The following KALRN variants were observed in gnomAD, a reference collection of about 807,000 sequenced individuals.
KALRN encodes kalirin.
In KALRN, 70 loss-of-function variants were observed where a neutral mutation model predicts 353.7. The observed-to-expected ratio is 0.20, with a 90% confidence interval of 0.16 to 0.24. The LOEUF (loss-of-function observed/expected upper bound fraction) is 0.24. Among genes scored for constraint, KALRN ranks in the 10% least tolerant of loss-of-function variants. The probability of loss-of-function intolerance (pLI) is 1.00; values close to 1 mark genes in which losing one functional copy is unlikely to be tolerated. For missense variants in KALRN, 2,791 were observed against 3,756.7 expected (o/e 0.74, Z 6.72); for synonymous variants, 1,391 against 1,434.8 (o/e 0.97, Z 0.69).
chr3:124,679,736 C>T (rs2087575897), intron 51 of KALRN: 2 of 619,472 alleles, frequency 3.2e-6, no homozygotes, highest in Non-Finnish European at 5.9e-6. Flanking sequence ...AAAACAAAAA[C>T]TTGTTATCTT....
At chr3:124,497,223 A>G (rs1275932546) in intron 33 of KALRN, among the ~76,000 whole-genome samples, 3 of 152,226 alleles carry the variant, frequency 2.0e-5, no homozygotes, top group Non-Finnish European at 2.9e-5. Flanking sequence ...TGCTTACTCT[A>G]GAATCCAAAG....
At chr3:124,258,824 A>C (rs543767228) in intron 3 of KALRN, among the ~76,000 whole-genome samples, 44 of 152,354 alleles carry the variant, frequency 2.9e-4, no homozygotes, top group African/African-American at 1.0e-3. Flanking sequence ...TGGCAGATTC[A>C]ACCAACCAAA....
intron 33 of KALRN, among the ~76,000 whole-genome samples, chr3:124,502,663 C>G (rs1003109886): frequency 2.0e-5 from 3 of 152,120 alleles, no homozygotes; most frequent in Non-Finnish European, 4.4e-5. Flanking sequence ...GAAGGACTAG[C>G]TGAGATTCTA....
chr3:124,111,308 G>A (rs867471163), intron 1 of KALRN, among the ~76,000 whole-genome samples: 6 of 152,134 alleles, frequency 3.9e-5, no homozygotes, highest in African/African-American at 1.2e-4. Flanking sequence ...ATATTTTAAA[G>A]CAAGAAAACC....
chr3:124,392,466 A>C (rs2089540720), intron 11 of KALRN, among the ~76,000 whole-genome samples: 1 of 152,074 alleles, frequency 6.6e-6, no homozygotes, highest in Admixed American at 6.5e-5. Context: ...AAAGAAAGCC[A>C]AGGTGCAGAG....
intron 34 of KALRN, among the ~76,000 whole-genome samples, chr3:124,564,570 A>G (rs1316127271): frequency 6.6e-6 from 1 of 151,976 alleles, no homozygotes; most frequent in Admixed American, 6.6e-5. Context: ...CCAGCTACTC[A>G]GTGGGGGGCT....
chr3:124,434,332 A>T lies in KALRN; in HGVS notation c.2855A>T (p.Gln952Leu), dbSNP rs879442495. The change falls in exon 17 of 60, where the codon CAG becomes CTG. Residue 952 changes from glutamine (Q) to leucine (L), a missense_variant. Physicochemically the swap from Gln to Leu is moderately radical, Grantham distance 113 (BLOSUM62 -2). This residue lies in a region of KALRN where 452 missense variants were observed against 575.8 expected (regional missense o/e 0.78). Transcript: ENST00000682506. The stretch of plus-strand genomic sequence containing the variant: ...TCCCTCTTTCATGCCACTTCCTTGC[A>T]GAAGACGCACCAGAGTGCCCTGCAG... ...IESLFHATSL[Q>L]KTHQSALQVQ... The T allele has an allele frequency of 2.5e-6, 4 of 1,612,964 alleles. No individual in the cohort carries two copies. The highest frequency in any genetic ancestry group is 3.4e-6 in the Non-Finnish European group (4 of 1,179,974).
intron 5 of KALRN, among the ~76,000 whole-genome samples, chr3:124,290,319 G>A (rs1171551122): frequency 2.0e-5 from 3 of 152,146 alleles, no homozygotes; most frequent in East Asian, 1.9e-4. Context: ...ATTCTGACAC[G>A]AGGTCAAAGT....
At chr3:124,120,531 T>C (rs2063875069) in intron 1 of KALRN, among the ~76,000 whole-genome samples, 1 of 151,964 alleles carries the variant, frequency 6.6e-6, no homozygotes, top group African/African-American at 2.4e-5. Context: ...TAGAGTGCGA[T>C]TAATGGTATA....
At chr3:124,379,811 T>C (rs2087087676) in intron 10 of KALRN, among the ~76,000 whole-genome samples, 1 of 152,180 alleles carries the variant, frequency 6.6e-6, no homozygotes, top group Admixed American at 6.5e-5. Context: ...AGAAGGAAGG[T>C]GAAAGAGATT....
intron 13 of KALRN, among the ~76,000 whole-genome samples, chr3:124,404,441 T>A (rs2091269661): frequency 6.6e-6 from 1 of 152,104 alleles, no homozygotes; most frequent in Non-Finnish European, 1.5e-5. Context: ...CTGGCTCACA[T>A]ATAGGCTTGG....
intron 1 of KALRN, among the ~76,000 whole-genome samples, chr3:124,098,646 C>G (rs2061618741): frequency 1.3e-5 from 2 of 152,212 alleles, no homozygotes; most frequent in Non-Finnish European, 2.9e-5. Context: ...ACCTTCGCCC[C>G]ACAGATCCTG....
chr3:124,490,935 A>T, intron 30 of KALRN, 51 bp downstream of exon 30: 4 of 1,513,658 alleles, frequency 2.6e-6, no homozygotes, highest in Non-Finnish European at 3.6e-6. Context: ...CATAGAACCC[A>T]TGGGCAGGAA....
intron 5 of KALRN, among the ~76,000 whole-genome samples, chr3:124,297,964 A>C (rs897425148): frequency 6.6e-6 from 1 of 152,158 alleles, no homozygotes; most frequent in African/African-American, 2.4e-5. Flanking sequence ...TTTTCCTAGA[A>C]GTTTCTAGCA....
intron 33 of KALRN, among the ~76,000 whole-genome samples, chr3:124,530,630 A>G (rs959255031): frequency 6.6e-6 from 1 of 152,144 alleles, no homozygotes; most frequent in Non-Finnish European, 1.5e-5. Context: ...ACTTCAAGTA[A>G]TCCTCAGCCT....
chr3:124,195,317 G>A (rs2075320844), intron 1 of KALRN, among the ~76,000 whole-genome samples: 1 of 152,092 alleles, frequency 6.6e-6, no homozygotes, highest in Non-Finnish European at 1.5e-5. Flanking sequence ...CTACCTCTTG[G>A]GATGCTGCCT....
At chr3:124,218,001 G>A (rs2077511675) in intron 1 of KALRN, among the ~76,000 whole-genome samples, 1 of 152,184 alleles carries the variant, frequency 6.6e-6, no homozygotes. Flanking sequence ...AGAGCAAGTG[G>A]GAGTGGGAAG....
At chr3:124,061,166 G>A (rs2041967195) in intron 1 of KALRN, among the ~76,000 whole-genome samples, 1 of 152,174 alleles carries the variant, frequency 6.6e-6, no homozygotes, top group Admixed American at 6.5e-5. Flanking sequence ...ATTCTACCTT[G>A]TGACTGATCA....
chr3:124,714,991 A>C (rs2063066810), intron 58 of KALRN, among the ~76,000 whole-genome samples: 1 of 144,706 alleles, frequency 6.9e-6, no homozygotes, highest in African/African-American at 2.6e-5. Context: ...ACTCCAGCCT[A>C]GGCGACAGAG....
Sources: allele counts gnomAD v4.1 joint callset (sites outside exome capture counted in the v4.1 genomes callset), GRCh38; gene constraint gnomAD v4.1.1; regional missense constraint gnomAD v4.1.1; transcripts MANE v1.5; gene names NCBI Gene and HGNC (gene_info 2026-07-23, HGNC 2026-07-21).